Variants in CFAP92 observed in about 807,000 individuals in gnomAD.
CFAP92 encodes cilia and flagella associated protein 92 (putative), also known as uncharacterized protein CFAP92.
Under a neutral mutation model 106.3 loss-of-function variants are expected in CFAP92, and 86 were observed. The observed-to-expected ratio is 0.81, with a 90% CI of 0.68 to 0.97. The LOEUF (loss-of-function observed/expected upper bound fraction) is 0.97, where lower values mean the gene tolerates loss of function less well. Among genes scored for constraint, CFAP92 ranks in the 50% least tolerant of loss-of-function variants. The pLI, the probability that CFAP92 is intolerant of heterozygous loss-of-function variation, is 0.00. For synonymous variants in CFAP92, 477 were observed against 506.4 expected (o/e 0.94, Z 0.78); for missense variants, 1,204 against 1,283.8 (o/e 0.94, Z 0.95).
the CFAP92 span, among the ~76,000 whole-genome samples, chr3:129,018,029 A>G: frequency 2.6e-3 from 397 of 152,306 alleles, 2 homozygotes; most frequent in African/African-American, 8.7e-3. Flanking sequence ...GCTACCATAT[A>G]GTATGCAGTC....
chr3:128,933,022 C>T, intron 11 of CFAP92, 25 bp from the exon 12 acceptor site: 1 of 1,534,192 alleles, frequency 6.5e-7, no homozygotes. Flanking sequence ...CACTGCCCCA[C>T]TGAACCTCTC....
intron 11 of CFAP92, among the ~76,000 whole-genome samples, chr3:128,933,576 G>A (rs890980980): frequency 2.0e-5 from 3 of 152,230 alleles, no homozygotes; most frequent in Non-Finnish European, 4.4e-5. Flanking sequence ...TCCACTGTGC[G>A]GTAGGTGCCT....
the CFAP92 span, among the ~76,000 whole-genome samples, chr3:129,017,102 A>G: frequency 5.9e-5 from 9 of 152,356 alleles, no homozygotes; most frequent in East Asian, 1.7e-3. Context: ...CATCACTGCC[A>G]TATCCACGGG....
intron 12 of CFAP92, among the ~76,000 whole-genome samples, chr3:128,928,340 A>C (rs1007327258): frequency 2.0e-5 from 3 of 152,250 alleles, no homozygotes; most frequent in Non-Finnish European, 4.4e-5. Flanking sequence ...ATATGTGGAA[A>C]TGCAAAGGAC....
chr3:128,955,601 G>A (rs1453279538), intron 9 of CFAP92, among the ~76,000 whole-genome samples: 1 of 48,218 alleles, frequency 2.1e-5, no homozygotes, highest in South Asian at 9.6e-4. Context: ...GAGGTGAGGG[G>A]CGCCTCTGCC....
the CFAP92 span, among the ~76,000 whole-genome samples, chr3:129,024,480 G>A: frequency 4.6e-5 from 7 of 151,514 alleles, no homozygotes; most frequent in African/African-American, 7.3e-5. Flanking sequence ...GCAGTGAGCC[G>A]AGATTGCACC....
chr3:128,993,769 C>A, intron 1 of CFAP92: 1 of 306,292 alleles, frequency 3.3e-6, no homozygotes, highest in African/African-American at 2.1e-5. Context: ...AGGAGCCTGG[C>A]GAGGTCGGGG....
the CFAP92 span, among the ~76,000 whole-genome samples, chr3:129,024,395 G>T: frequency 6.6e-6 from 1 of 151,984 alleles, no homozygotes; most frequent in African/African-American, 2.4e-5. Flanking sequence ...GCCAGGCATG[G>T]TTGCACACAC....
At chr3:128,980,545 G>C (rs1014158643) in intron 4 of CFAP92, among the ~76,000 whole-genome samples, 3 of 151,978 alleles carry the variant, frequency 2.0e-5, no homozygotes, top group Non-Finnish European at 1.5e-5. Context: ...TTTCATGAAC[G>C]GTTTCTCTGT....
chr3:128,923,022 A>G lies in CFAP92; in HGVS notation c.2752-6751T>C, dbSNP rs77156450. On this transcript the variant is annotated intron_variant, in intron 12 of 15. Transcript: ENST00000645291. ...CCCCATGGTAATTAACCAAAGAGGC[A>G]GAAGCTGAGTTACAGCTTGTAGAAC... Among the ~76,000 whole-genome samples the G allele has an allele frequency of 1.6e-4, 24 of 152,404 alleles. No individual in the cohort carries two copies. The East Asian group carries it at 4.4e-3, about 28-fold the overall frequency.
intron 6 of CFAP92, among the ~76,000 whole-genome samples, 169 bp downstream of exon 6, chr3:128,976,810 C>A (rs189693733): frequency 9.1e-4 from 139 of 152,296 alleles, no homozygotes; most frequent in African/African-American, 3.2e-3. Context: ...GCTTGATGTG[C>A]AACATGTACT....
At chr3:128,993,880 G>C in intron 1 of CFAP92, 100 bp downstream of exon 1, 2 of 895,904 alleles carry the variant, frequency 2.2e-6, no homozygotes, top group Non-Finnish European at 2.7e-6. Context: ...GGCAAACGCC[G>C]AAGAGGGAAC....
intron 9 of CFAP92, among the ~76,000 whole-genome samples, chr3:128,953,573 C>G (rs377680006): frequency 2.8e-4 from 32 of 113,234 alleles, no homozygotes; most frequent in African/African-American, 1.4e-3. Flanking sequence ...CACGGTCTCC[C>G]TCTCCCTCTC....
At chr3:128,927,321 A>AAGG (rs1559858818) in intron 12 of CFAP92, among the ~76,000 whole-genome samples, 1 of 150,724 alleles carries the variant, frequency 6.6e-6, no homozygotes, top group East Asian at 2.0e-4. Flanking sequence ...AGGCAGAAGG[A>AAGG]AAGGAAGGAA....
At chr3:128,943,536 T>TC (rs1939871998) in intron 10 of CFAP92, among the ~76,000 whole-genome samples, 1 of 151,506 alleles carries the variant, frequency 6.6e-6, no homozygotes, top group African/African-American at 2.4e-5. Flanking sequence ...GTATTTCATT[T>TC]CTTTTTTTTT....
upstream of CFAP92, among the ~76,000 whole-genome samples, chr3:128,997,994 C>G (rs142398761): frequency 9.2e-4 from 140 of 152,338 alleles, no homozygotes; most frequent in African/African-American, 3.2e-3. Flanking sequence ...TACAGCTATT[C>G]TCATGAGTAT....
intron 10 of CFAP92, among the ~76,000 whole-genome samples, chr3:128,936,447 T>C (rs1939033610): frequency 6.6e-6 from 1 of 152,204 alleles, no homozygotes; most frequent in African/African-American, 2.4e-5. Flanking sequence ...TTTATGGTGT[T>C]GTGAAAGTTG....
chr3:129,004,164 C>A, upstream of CFAP92: 1 of 1,336,108 alleles, frequency 7.5e-7, no homozygotes, highest in South Asian at 1.7e-5. Flanking sequence ...CCCTCCCACG[C>A]GCTCTCGTGT....
At chr3:128,923,129 T>C (rs1937433895) in intron 12 of CFAP92, among the ~76,000 whole-genome samples, 1 of 151,022 alleles carries the variant, frequency 6.6e-6, no homozygotes, top group African/African-American at 2.5e-5. Flanking sequence ...TAACGTGGGG[T>C]TGAGGGTATG....
Sources: gnomAD v4.1 joint callset for allele counts (sites outside exome capture counted in the v4.1 genomes callset) on GRCh38, gnomAD v4.1.1 for gene constraint, MANE v1.5 for transcripts, NCBI Gene and HGNC (gene_info 2026-07-23, HGNC 2026-07-21) for gene names.